The following MIDEAS variants were observed in gnomAD, a reference collection of about 807,000 sequenced individuals.
The protein encoded by MIDEAS is mitotic deacetylase associated SANT domain protein, also known as mitotic deacetylase-associated SANT domain protein.
In MIDEAS, 26 loss-of-function variants were observed where a neutral mutation model predicts 102.7. The ratio of observed to expected loss-of-function variants is 0.25; its 90% CI spans 0.19 to 0.35. MIDEAS has a LOEUF of 0.35. Ranked by LOEUF, MIDEAS falls within the 10% of genes least tolerant of loss-of-function variation. MIDEAS has a pLI of 1.00. For missense variants in MIDEAS, 1,231 were observed against 1,435.6 expected (o/e 0.86, Z 2.30); for synonymous variants, 585 against 591.0 (o/e 0.99, Z 0.15).
Position 73,718,635 on chromosome 14 carries a change from AAG to A in MIDEAS, c.*206_*207del, listed in dbSNP as rs1398108723. ...GACAGCTTCCGACAGACCAAATGCA[AAG>A]AGAGCTGGATCCTGGAGCCCTTAAC... is the stretch of plus-strand genomic sequence containing the variant. On this transcript the variant is annotated 3_prime_UTR_variant, in exon 13 of 13. Transcript: ENST00000423556. The A allele has an allele frequency of 8.9e-6, 4 of 449,230 alleles. No individual in the cohort carries two copies. The highest frequency in any genetic ancestry group is 1.5e-5 in the Non-Finnish European group (4 of 273,302). The allele number at this position is 449,230 out of a possible 1,614,324, so 27.8% of individuals were successfully genotyped here.
chr14:73,730,827 G>A (rs1446025895), intron 3 of MIDEAS, among the ~76,000 whole-genome samples: 2 of 152,090 alleles, frequency 1.3e-5, no homozygotes, highest in African/African-American at 4.8e-5. Flanking sequence ...GCATGGTGGC[G>A]GGTGCCTGTA....
rs1275570461 is a variant in MIDEAS, at chr14:73,718,716, T to TG, written c.*126dup. On this transcript the variant is annotated 3_prime_UTR_variant, in exon 13 of 13. Coordinates refer to ENST00000423556, the MANE Select transcript of MIDEAS (RefSeq NM_001367710.1). ...GAGCCGTTTATGTCATTGTCTCATTTGTTTCGCAGGGAAAAGTCCCTGCAA... is the reference window on the plus strand; with the variant it reads ...GAGCCGTTTATGTCATTGTCTCATTTGGTTTCGCAGGGAAAAGTCCCTGCAA... The TG allele has an allele frequency of 2.0e-6, 2 of 1,000,914 alleles. No homozygotes were observed. The highest frequency in any genetic ancestry group is 6.7e-5 in the East Asian group (2 of 29,812). 62.0% of individuals were successfully genotyped at this position (1,000,914 alleles called of 1,614,324 possible). A position where few individuals can be genotyped will look rare whatever the true frequency, so the allele number is the denominator to read the frequency against.
rs545558465 is a variant in MIDEAS at position 73,758,553 on chromosome 14, A to G, written c.-248+1210T>C. On this transcript the variant is annotated intron_variant, in intron 1 of 12. Coordinates refer to ENST00000423556, the MANE Select transcript of MIDEAS (RefSeq NM_001367710.1). Reference sequence around the variant, plus strand: ...GCAGCTGCCAACAGGGATCCCCTGCATACGCGGGCCACCGGGGCCTCCGTG... The same window carrying G: ...GCAGCTGCCAACAGGGATCCCCTGCGTACGCGGGCCACCGGGGCCTCCGTG... Among the ~76,000 whole-genome samples, 13 of 152,240 alleles carry G rather than the reference A, an allele frequency of 8.5e-5. No individual in the cohort carries two copies. In the South Asian group the frequency reaches 2.5e-3, roughly 29 times the overall value.
upstream of MIDEAS, among the ~76,000 whole-genome samples, chr14:73,762,637 G>C (rs1199189384): frequency 6.6e-6 from 1 of 152,190 alleles, no homozygotes; most frequent in East Asian, 1.9e-4. Flanking sequence ...TTTTGCTGCA[G>C]ATATGACGGT....
upstream of MIDEAS, among the ~76,000 whole-genome samples, chr14:73,764,339 CAAAAAAA>C (rs5809629): frequency 9.1e-5 from 8 of 88,262 alleles, no homozygotes; most frequent in Admixed American, 2.5e-4. Flanking sequence ...GACCCTGTCT[CAAAAAAA>C]AAAAAAAAAA....
rs1329637751 is a variant in MIDEAS, at chr14:73,726,820, C to T, written c.2305+10G>A. 13 of 1,607,016 alleles carry T rather than the reference C, an allele frequency of 8.1e-6. No individual in the cohort carries two copies. In the South Asian group the frequency reaches 1.1e-4, roughly 14 times the overall value. ...CTGCCCTCACTTGCTGCCCCCAGGC[C>T]CCTCCTCACCTTGCCTCTGCTTCTC... On this transcript the variant is annotated intron_variant, in intron 6 of 12. Transcript: ENST00000423556.
chr14:73,730,884 G>A (rs2053129557), intron 3 of MIDEAS, among the ~76,000 whole-genome samples: 1 of 152,190 alleles, frequency 6.6e-6, no homozygotes, highest in Non-Finnish European at 1.5e-5. Context: ...CTTGAACCCG[G>A]GAGGTGGAGG....
chr14:73,779,373 C>T (rs1595301674), intron 1 of MIDEAS, among the ~76,000 whole-genome samples: 1 of 128,168 alleles, frequency 7.8e-6, no homozygotes, highest in South Asian at 2.6e-4. Context: ...CCAGCCTGGA[C>T]GACAGAGCAC....
At chr14:73,763,531 T>C (rs373373302), upstream of MIDEAS, among the ~76,000 whole-genome samples, 235 of 152,276 alleles carry the variant, frequency 1.5e-3, 8 homozygotes, top group South Asian at 0.046. Flanking sequence ...CATACCTGCA[T>C]TGCTGTCCTT....
Position 73,718,522 on chromosome 14 carries a change from GGCAGCAGA to G in MIDEAS, c.*313_*320del, listed in dbSNP as rs2052928212. 1 of 239,586 alleles carries G rather than the reference GGCAGCAGA, an allele frequency of 4.2e-6. No individual in the cohort carries two copies. 14.8% of individuals were successfully genotyped at this position (239,586 alleles called of 1,614,324 possible). A position where few individuals can be genotyped will look rare whatever the true frequency, so the allele number is the denominator to read the frequency against. Reference sequence around the variant, plus strand: ...AGCAAATAAAGGGAAAAGACTGCGGGGCAGCAGAGCAGCAGAAATCGGAGTGTGAGAGG... The same window carrying G: ...AGCAAATAAAGGGAAAAGACTGCGGGGCAGCAGAAATCGGAGTGTGAGAGG... On this transcript the variant is annotated 3_prime_UTR_variant, in exon 13 of 13. Coordinates refer to ENST00000423556, the MANE Select transcript of MIDEAS (RefSeq NM_001367710.1).
upstream of MIDEAS, among the ~76,000 whole-genome samples, chr14:73,760,484 G>T (rs529941465): frequency 8.1e-4 from 124 of 152,370 alleles, no homozygotes; most frequent in Admixed American, 1.2e-3. This position sits in a 1 kb window ranked among gnomAD's most constrained non-coding sequence, Gnocchi z 4.8. Flanking sequence ...TGGCGCCCCC[G>T]ATGGCTTTGC....
At chr14:73,747,321 C>T (rs905463380) in intron 1 of MIDEAS, among the ~76,000 whole-genome samples, 5 of 152,164 alleles carry the variant, frequency 3.3e-5, no homozygotes, top group Non-Finnish European at 5.9e-5. Flanking sequence ...CTCACTGGTT[C>T]CTGCCTTTGA....
chr14:73,719,148 G>T (rs2052944349), intron 12 of MIDEAS, 140 bp from the exon 13 acceptor site: 1 of 1,464,724 alleles, frequency 6.8e-7, no homozygotes, highest in Admixed American at 2.4e-5. Context: ...TTTTCCGAAA[G>T]CTGCCCCATG....
intron 1 of MIDEAS, among the ~76,000 whole-genome samples, chr14:73,781,742 A>AC (rs1433521700): frequency 6.7e-6 from 1 of 149,378 alleles, no homozygotes; most frequent in Non-Finnish European, 1.5e-5. Context: ...CTCAAAAAAA[A>AC]AAAAAAAAAA....
chr14:73,738,968 G>A lies in MIDEAS; in HGVS notation c.1041C>T (p.Arg347=). The A allele has an allele frequency of 2.0e-6, 3 of 1,532,100 alleles. No individual in the cohort carries two copies. Among genetic ancestry groups the A allele is most frequent in the Non-Finnish European group, 2.6e-6 (3 of 1,141,300 alleles). 94.9% of individuals were successfully genotyped at this position (1,532,100 alleles called of 1,614,324 possible). The part of the protein sequence containing the change: ...QVQIPFPRRS[R]RLSKEGILPP... ...GCAGGATACCCTCCTTAGAGAGGCG[G>A]CGGGAGCGGCGGGGGAAGGGGATCT... Residue 347 remains arginine, a synonymous_variant, in exon 2 of 13, where the codon CGC becomes CGT. Transcript: ENST00000423556.
chr14:73,775,913 C>T (rs1233183491), intron 1 of MIDEAS, among the ~76,000 whole-genome samples: 3 of 151,840 alleles, frequency 2.0e-5, no homozygotes. Context: ...GCTCCTTTAG[C>T]GCTCTCAGAA....
At chr14:73,719,548 G>T in intron 11 of MIDEAS, 47 bp from the exon 12 acceptor site, 3 of 1,578,526 alleles carry the variant, frequency 1.9e-6, no homozygotes, top group Non-Finnish European at 2.6e-6. Flanking sequence ...AGCAAGCGCA[G>T]ATCTGGAATT....
chr14:73,721,651 CTCTGGACTCTGTCCCCATGGCATAG>C, intron 10 of MIDEAS, 142 bp from the exon 11 acceptor site: 2 of 678,790 alleles, frequency 2.9e-6, no homozygotes. Context: ...TGTACTAGGA[CTCTGGACTCTGTCCCCATGGCATAG>C]TAGCCATGGG....
chr14:73,722,634 C>T (rs755350063), intron 10 of MIDEAS, 64 bp downstream of exon 10: 48 of 1,576,504 alleles, frequency 3.0e-5, no homozygotes, highest in Non-Finnish European at 4.0e-5. Flanking sequence ...CTCGGGCTCC[C>T]AGCTCAGGCC....
Sources: gnomAD v4.1 joint callset for allele counts (sites outside exome capture counted in the v4.1 genomes callset) on GRCh38, gnomAD v4.1.1 for gene constraint, Gnocchi (gnomAD v3.1) non-coding constraint, MANE v1.5 for transcripts, NCBI Gene and HGNC (gene_info 2026-07-23, HGNC 2026-07-21) for gene names.